The following C1GALT1 variants were observed in gnomAD, a reference collection of about 807,000 sequenced individuals.
C1GALT1 encodes the protein glycoprotein-N-acetylgalactosamine 3-beta-galactosyltransferase 1.
C1GALT1 carries 11 observed loss-of-function variants against 31.0 expected under a neutral mutation model. The observed-to-expected ratio is 0.36, with a 90% CI of 0.22 to 0.59. The LOEUF (loss-of-function observed/expected upper bound fraction) is 0.59. C1GALT1 is among the 20% of genes least tolerant of loss of function. The pLI is 0.79. For synonymous variants in C1GALT1, 175 were observed against 143.6 expected, an observed-to-expected ratio of 1.22 and a Z score of -1.56; for missense variants, 424 against 425.2, an observed-to-expected ratio of 1.00 and a Z score of 0.03.
At chr7:7,228,568 T>G (rs558654891) in intron 1 of C1GALT1, among the ~76,000 whole-genome samples, 4 of 152,280 alleles carry the variant, frequency 2.6e-5, no homozygotes, top group Admixed American at 6.5e-5. Flanking sequence ...TTGGGATGCA[T>G]TCTACCCCCA....
At chr7:7,194,978 C>A (rs1275210054) in intron 1 of C1GALT1, among the ~76,000 whole-genome samples, 1 of 152,022 alleles carries the variant, frequency 6.6e-6, no homozygotes, top group African/African-American at 2.4e-5. Flanking sequence ...TTCATAGTAG[C>A]CTTGAATGAT....
chr7:7,202,544 G>GC (rs111691326), intron 1 of C1GALT1, among the ~76,000 whole-genome samples: 4,710 of 152,238 alleles, frequency 0.031, 160 homozygotes, highest in African/African-American at 0.084. Context: ...AAAGTGAGAT[G>GC]CTTTTTTTCC....
intron 2 of C1GALT1, among the ~76,000 whole-genome samples, chr7:7,237,999 A>T (rs1355923407): frequency 6.6e-6 from 1 of 152,174 alleles, no homozygotes; most frequent in Non-Finnish European, 1.5e-5. Flanking sequence ...TAATCAGTAA[A>T]CTACAGTTTG....
At chr7:7,227,188 C>G (rs1782803859) in intron 1 of C1GALT1, among the ~76,000 whole-genome samples, 2 of 152,092 alleles carry the variant, frequency 1.3e-5, no homozygotes. Flanking sequence ...TATGTTAATT[C>G]TTTAAAAACG....
chr7:7,188,413 A>G (rs1372804467), intron 1 of C1GALT1, among the ~76,000 whole-genome samples: 1 of 152,188 alleles, frequency 6.6e-6, no homozygotes, highest in Non-Finnish European at 1.5e-5. Context: ...TGAAACTTGG[A>G]GAAGTCTGAA....
Position 7,243,617 on chromosome 7 carries a change from C to T in C1GALT1, c.982C>T (p.Pro328Ser). Reference sequence around the variant, plus strand: ...AGAATACCTCGTTTATCATCTTCGTCCATATGGTTATTTATACAGATATCA... The same window carrying T: ...AGAATACCTCGTTTATCATCTTCGTTCATATGGTTATTTATACAGATATCA... ...ELEYLVYHLR[P>S]YGYLYRYQPT... The change falls in exon 4 of 4, where the codon CCA becomes TCA. Residue 328 changes from proline (P) to serine (S), a missense_variant. Around this residue, in one of 3 missense-constraint regions of C1GALT1, gnomAD observed 191 missense variants for 188.8 expected, o/e 1.01. Transcript: ENST00000436587. The T allele has an allele frequency of 1.2e-6, 2 of 1,612,570 alleles. No individual in the cohort carries two copies. The highest frequency in any genetic ancestry group is 1.7e-6 in the Non-Finnish European group (2 of 1,179,242).
chr7:7,182,522 C>A (rs539415946), upstream of C1GALT1: 2 of 152,342 alleles, frequency 1.3e-5, no homozygotes, highest in East Asian at 1.9e-4. Context: ...GGGGCTGGTG[C>A]GGCGGCGGAG....
intron 2 of C1GALT1, among the ~76,000 whole-genome samples, chr7:7,164,207 G>A (rs1780368999): frequency 6.6e-6 from 1 of 152,182 alleles, no homozygotes; most frequent in African/African-American, 2.4e-5. Flanking sequence ...AGAAAAACAA[G>A]CAATGGGGAA....
chr7:7,164,314 A>T (rs2128226699), intron 2 of C1GALT1, among the ~76,000 whole-genome samples: 2 of 152,304 alleles, frequency 1.3e-5, no homozygotes, highest in African/African-American at 4.8e-5. Context: ...TTCATTTCTC[A>T]TGTGGAACAT....
intron 1 of C1GALT1, among the ~76,000 whole-genome samples, chr7:7,186,816 A>G (rs1780835625): frequency 6.6e-6 from 1 of 152,192 alleles, no homozygotes; most frequent in African/African-American, 2.4e-5. Flanking sequence ...CTGTTTGTTC[A>G]TTTTTGACCT....
chr7:7,160,320 C>CGGA (rs1780320496), intron 2 of C1GALT1, among the ~76,000 whole-genome samples: 1 of 152,250 alleles, frequency 6.6e-6, no homozygotes, highest in South Asian at 2.1e-4. Context: ...TCTTGAACCT[C>CGGA]CACCTTCTAC....
chr7:7,191,123 C>T (rs998969497), intron 1 of C1GALT1, among the ~76,000 whole-genome samples: 3 of 152,068 alleles, frequency 2.0e-5, no homozygotes, highest in Non-Finnish European at 1.5e-5. Flanking sequence ...GCTCTATATC[C>T]GTTTAAACGA....
At chr7:7,243,443 G>T in intron 3 of C1GALT1, 81 bp from the exon 4 acceptor site, 1 of 1,134,816 alleles carries the variant, frequency 8.8e-7, no homozygotes, top group Non-Finnish European at 1.2e-6. Flanking sequence ...TTTAAAATTA[G>T]CTGGTCCTTT....
At chr7:7,184,894 G>A (rs1297816503) in intron 1 of C1GALT1, among the ~76,000 whole-genome samples, 1 of 152,198 alleles carries the variant, frequency 6.6e-6, no homozygotes, top group Non-Finnish European at 1.5e-5. Context: ...AATTCAGTGG[G>A]ATTAAGTCAT....
chr7:7,244,820 G>T lies in C1GALT1; in HGVS notation c.*1093G>T, dbSNP rs1443525370. The T allele has an allele frequency of 1.3e-5, 2 of 152,090 alleles. No homozygotes were observed. Among genetic ancestry groups the T allele is most frequent in the Admixed American group, 6.6e-5 (1 of 15,266 alleles). 9.4% of individuals were successfully genotyped at this position (152,090 alleles called of 1,614,324 possible). A position where few individuals can be genotyped will look rare whatever the true frequency, so the allele number is the denominator to read the frequency against. On this transcript the variant is annotated 3_prime_UTR_variant, in exon 4 of 4. Transcript: ENST00000436587. ...TATTTAGAAAGCAAGATTTTGATGA[G>T]AATTAAAAACAATAGAAAATGTAGA...
At chr7:7,220,520 T>A (rs1185611905) in intron 1 of C1GALT1, among the ~76,000 whole-genome samples, 1 of 146,488 alleles carries the variant, frequency 6.8e-6, no homozygotes, top group Admixed American at 7.4e-5. Context: ...TTAAAGTATC[T>A]TTATTCTTTT....
chr7:7,221,671 C>T (rs1244600871), intron 1 of C1GALT1, among the ~76,000 whole-genome samples: 1 of 152,176 alleles, frequency 6.6e-6, no homozygotes, highest in East Asian at 1.9e-4. Flanking sequence ...TTAGGAATTC[C>T]ATAATGCAAA....
intron 1 of C1GALT1, among the ~76,000 whole-genome samples, chr7:7,192,984 C>T (rs902896552): frequency 1.3e-5 from 2 of 151,894 alleles, no homozygotes; most frequent in African/African-American, 4.8e-5. Flanking sequence ...TGTCCTTAGC[C>T]CACTTTTTGA....
At chr7:7,219,421 G>A (rs1184644736) in intron 1 of C1GALT1, among the ~76,000 whole-genome samples, 1 of 151,694 alleles carries the variant, frequency 6.6e-6, no homozygotes, top group African/African-American at 2.4e-5. Context: ...TTGATAACAG[G>A]AAGCTAGGCA....
Sources: gnomAD v4.1 joint callset for allele counts (sites outside exome capture counted in the v4.1 genomes callset) on GRCh38, gnomAD v4.1.1 for gene constraint, gnomAD v4.1.1 regional missense constraint, MANE v1.5 for transcripts, NCBI Gene and HGNC (gene_info 2026-07-23, HGNC 2026-07-21) for gene names.